The following SPINT1 variants were observed in gnomAD, a reference collection of about 807,000 sequenced individuals.
SPINT1 encodes serine peptidase inhibitor, Kunitz type 1, also known as kunitz-type protease inhibitor 1.
Under a neutral mutation model 53.7 loss-of-function variants are expected in SPINT1, and 38 were observed. The ratio of observed to expected loss-of-function variants is 0.71; its 90% confidence interval spans 0.55 to 0.93. The LOEUF (loss-of-function observed/expected upper bound fraction) is 0.93. SPINT1 is among the 40% of genes least tolerant of loss of function. The pLI is 0.00. For missense variants in SPINT1, 645 were observed against 692.9 expected, an observed-to-expected ratio of 0.93 and a Z score of 0.78; for synonymous variants, 283 against 280.6, an observed-to-expected ratio of 1.01 and a Z score of -0.08.
Position 40,844,611 on chromosome 15 carries a change from C to T in SPINT1, c.57C>T (p.Ala19=), listed in dbSNP as rs1487182642. The part of the protein sequence containing the change: ...RARLAPAGIP[A]VALWLLCTLG... ...GCCTCGCCCCGGCCGGCATCCCTGC[C>T]GTCGCCTTGTGGCTTCTGTGCACGC... Residue 19 remains alanine (A), a synonymous_variant, in exon 2 of 11, where the codon GCC becomes GCT. Coordinates refer to ENST00000562057, the MANE Select transcript of SPINT1 (RefSeq NM_003710.4). The surrounding 1 kb of genome is among the most constrained non-coding windows in gnomAD (Gnocchi z 5.8). The T allele has an allele frequency of 6.2e-7, 1 of 1,609,852 alleles. No individual in the cohort carries two copies. The highest frequency in any genetic ancestry group is 8.5e-7 in the Non-Finnish European group (1 of 1,178,710).
chr15:40,845,012 G>T lies in SPINT1; in HGVS notation c.458G>T (p.Arg153Leu). 6.2e-7 allele frequency: 1 copy of T among 1,609,514 alleles called. No individual in the cohort carries two copies. The highest frequency in any genetic ancestry group is 8.5e-7 in the Non-Finnish European group (1 of 1,177,822). ...REVYRSYRQL[R>L]TQGFGGSGIP... is the part of the protein sequence containing the mutation. ...GTGTACCGCTCCTACCGCCAGCTGC[G>T]GACCCAGGGCTTTGGAGGTGAGGAG... Residue 153 changes from arginine (R) to leucine (L), a missense_variant, in exon 2 of 11, where the codon CGG (arginine) becomes CTG (leucine). Arg to Leu is a moderately radical substitution (Grantham distance 102). Transcript: ENST00000562057.
intron 10 of SPINT1, 60 bp from the exon 11 acceptor site, chr15:40,856,710 G>C (rs1241699190): frequency 6.8e-6 from 11 of 1,605,876 alleles, no homozygotes; most frequent in African/African-American, 6.7e-5. Flanking sequence ...ATAGATTGGG[G>C]GTGGGTGTCA....
intron 2 of SPINT1, among the ~76,000 whole-genome samples, chr15:40,851,200 C>T (rs1438129986): frequency 6.6e-6 from 1 of 151,376 alleles, no homozygotes. Flanking sequence ...TGTTGCCAGG[C>T]TGGAGTGCAG....
At chr15:40,853,345 G>T in intron 3 of SPINT1, 94 bp downstream of exon 3, 1 of 1,602,444 alleles carries the variant, frequency 6.2e-7, no homozygotes, top group South Asian at 1.1e-5. Context: ...GGCCCCGGAT[G>T]GGATGGGGTG....
intron 2 of SPINT1, among the ~76,000 whole-genome samples, chr15:40,849,194 C>T (rs1014245285): frequency 1.3e-5 from 2 of 151,006 alleles, no homozygotes; most frequent in African/African-American, 4.9e-5. Flanking sequence ...TGCAGTGAGC[C>T]AAGATCACGC....
At chr15:40,846,891 A>G (rs58107694) in intron 2 of SPINT1, among the ~76,000 whole-genome samples, 8,702 of 152,284 alleles carry the variant, frequency 0.057, 480 homozygotes, top group East Asian at 0.25. Context: ...AGTCCCACTG[A>G]ACCAGGGCTG....
chr15:40,848,938 GT>G (rs562087979), intron 2 of SPINT1, among the ~76,000 whole-genome samples: 7,873 of 136,976 alleles, frequency 0.057, 257 homozygotes, highest in East Asian at 0.18. Flanking sequence ...TGGTTTTTCT[GT>G]TTTTTTTTTT....
At chr15:40,853,373 C>G in intron 3 of SPINT1, 116 bp from the exon 4 acceptor site, 1 of 1,599,058 alleles carries the variant, frequency 6.3e-7, no homozygotes, top group Non-Finnish European at 8.5e-7. Context: ...GCTGAAGATG[C>G]ATTTAATCCA....
chr15:40,850,142 C>T (rs1338386391), intron 2 of SPINT1, among the ~76,000 whole-genome samples: 5 of 152,106 alleles, frequency 3.3e-5, no homozygotes, highest in South Asian at 2.1e-4. Flanking sequence ...GCGCGATCTC[C>T]GGCTCACCAC....
intron 2 of SPINT1, 40 bp downstream of exon 2, chr15:40,845,069 A>C: frequency 6.6e-7 from 1 of 1,515,458 alleles, no homozygotes; most frequent in East Asian, 2.3e-5. Flanking sequence ...GGAGAGACTC[A>C]AAAAAGGGAC....
chr15:40,844,751 A>G lies in SPINT1; in HGVS notation c.197A>G (p.Asn66Ser), dbSNP rs1236384880. The change falls in exon 2 of 11, where the codon AAC becomes AGC. Residue 66 changes from asparagine to serine, a missense_variant. Asn to Ser is a conservative substitution (Grantham distance 46). Transcript: ENST00000562057. This position sits in a 1 kb window ranked among gnomAD's most constrained non-coding sequence, Gnocchi z 5.8. The stretch of plus-strand genomic sequence containing the variant: ...GTGCCTGGCTTCGTGCTGGACACCA[A>G]CGCCTCGGTCAGCAACGGAGCTACC... ...AGVPGFVLDT[N>S]ASVSNGATFL... is the part of the protein sequence containing the mutation. 6.2e-7 allele frequency: 1 copy of G among 1,611,158 alleles called. No homozygotes were observed. The highest frequency in any genetic ancestry group is 1.1e-5 in the South Asian group (1 of 90,840).
Position 40,853,195 on chromosome 15 carries a change from G to A in SPINT1, c.547G>A (p.Asp183Asn), listed in dbSNP as rs1566856033. 6.2e-7 allele frequency: 1 copy of A among 1,614,216 alleles called. No individual in the cohort carries two copies. The highest frequency in any genetic ancestry group is 1.3e-5 in the African/African-American group (1 of 75,062). ...VQPQEPLVLK[D>N]VENTDWRLLR... is the part of the protein sequence containing the mutation. ...ACCCCAGGAACCCCTGGTGCTGAAG[G>A]ATGTGGAAAACACAGATTGGCGCCT... Residue 183 changes from aspartate (D) to asparagine (N), a missense_variant, in exon 3 of 11, where the codon GAT becomes AAT. Asp to Asn is a conservative substitution (Grantham distance 23). Transcript: ENST00000562057.
chr15:40,856,443 C>T (rs1891644210), intron 10 of SPINT1, 120 bp downstream of exon 10: 8 of 1,281,626 alleles, frequency 6.2e-6, no homozygotes, highest in Middle Eastern at 1.8e-4. Flanking sequence ...CCTATAGAGA[C>T]AGAGTACCGT....
intron 6 of SPINT1, 146 bp from the exon 7 acceptor site, chr15:40,854,251 G>T: frequency 1.4e-6 from 2 of 1,384,186 alleles, no homozygotes; most frequent in Non-Finnish European, 9.7e-7. Flanking sequence ...GTCCTATGAG[G>T]ATCTGCCCAG....
chr15:40,845,318 ATTTTTTTTTTTTTTT>A (rs34480117), intron 2 of SPINT1, among the ~76,000 whole-genome samples: 4 of 58,200 alleles, frequency 6.9e-5, no homozygotes, highest in Admixed American at 2.2e-4. Flanking sequence ...GACCCGGCTA[ATTTTTTTTTTTTTTT>A]TTTTTTTTTT....
Position 40,853,819 on chromosome 15 carries a change from T to G in SPINT1, c.851T>G (p.Leu284Trp), listed in dbSNP as rs1156581818. The change falls in exon 5 of 11, where the codon TTG becomes TGG. Residue 284 changes from leucine to tryptophan, a missense_variant. Transcript: ENST00000562057. The stretch of plus-strand genomic sequence containing the variant: ...AAGAGTTTCGTTTATGGAGGCTGCT[T>G]GGGCAACAAGAACAACTACCTTCGG... ...ICKSFVYGGC[L>W]GNKNNYLREE... 6.2e-7 allele frequency: 1 copy of G among 1,614,216 alleles called. No individual in the cohort carries two copies. Among genetic ancestry groups the G allele is most frequent in the South Asian group, 1.1e-5 (1 of 91,084 alleles).
chr15:40,858,046 C>G lies in SPINT1; in HGVS notation c.*1071C>G, dbSNP rs1664963577. 1 of 152,154 alleles carries G rather than the reference C, an allele frequency of 6.6e-6. No individual in the cohort carries two copies. Among genetic ancestry groups the G allele is most frequent in the Non-Finnish European group, 1.5e-5 (1 of 68,034 alleles). 9.4% of individuals were successfully genotyped at this position (152,154 alleles called of 1,614,324 possible). Reference sequence around the variant, plus strand: ...AGGTGACTAGCTGTCTCCCTCCCAACAGAAGCCCTGGCTTCTGCGCTGGAG... The same window carrying G: ...AGGTGACTAGCTGTCTCCCTCCCAAGAGAAGCCCTGGCTTCTGCGCTGGAG... On this transcript the variant is annotated 3_prime_UTR_variant, in exon 11 of 11. Transcript: ENST00000562057.
In SPINT1 at chr15:40,844,436, G is replaced by T; in HGVS notation, c.-65-54G>T. ...TCCCGGCCGGCCCGCCTCCTCCAAA[G>T]TCTCCCGGGCTGATCAGGTGTGTCT... On this transcript the variant is annotated intron_variant, in intron 1 of 10. Transcript: ENST00000562057. The surrounding 1 kb of genome is among the most constrained non-coding windows in gnomAD (Gnocchi z 5.8). 1.9e-6 allele frequency: 2 copies of T among 1,078,994 alleles called. No individual in the cohort carries two copies. The highest frequency in any genetic ancestry group is 2.8e-6 in the Non-Finnish European group (2 of 715,148). 66.8% of individuals were successfully genotyped at this position (1,078,994 alleles called of 1,614,324 possible). A position where few individuals can be genotyped will look rare whatever the true frequency, so the allele number is the denominator to read the frequency against.
At chr15:40,854,287 G>C in intron 6 of SPINT1, 110 bp from the exon 7 acceptor site, 1 of 1,479,166 alleles carries the variant, frequency 6.8e-7, no homozygotes, top group Non-Finnish European at 9.0e-7. Flanking sequence ...AGTGGGGTTG[G>C]TGGAAAGGGA....
Sources: allele counts gnomAD v4.1 joint callset (sites outside exome capture counted in the v4.1 genomes callset), GRCh38; gene constraint gnomAD v4.1.1; non-coding constraint Gnocchi (gnomAD v3.1); transcripts MANE v1.5; gene names NCBI Gene and HGNC (gene_info 2026-07-23, HGNC 2026-07-21).